CIT: variants seen among roughly 807,000 people sequenced by gnomAD.
CIT encodes the protein citron Rho-interacting kinase.
In CIT, 79 loss-of-function variants were observed where a neutral mutation model predicts 272.7. The observed-to-expected ratio is 0.29, with a 90% CI of 0.24 to 0.35. CIT has a LOEUF of 0.35. CIT is among the 10% of genes least tolerant of loss of function. CIT has a pLI of 1.00. For missense variants in CIT, 1,909 were observed against 2,618.3 expected, an observed-to-expected ratio of 0.73 and a Z score of 5.91; for synonymous variants, 948 against 995.6, an observed-to-expected ratio of 0.95 and a Z score of 0.90.
At chr12:119,706,731 T>C (rs1956894303) in intron 40 of CIT, among the ~76,000 whole-genome samples, 1 of 152,190 alleles carries the variant, frequency 6.6e-6, no homozygotes, top group South Asian at 2.1e-4. Flanking sequence ...CTATTATGAG[T>C]AGGCTGCAAT....
At chr12:119,830,824 A>G (rs1189534340) in intron 7 of CIT, among the ~76,000 whole-genome samples, 1 of 152,166 alleles carries the variant, frequency 6.6e-6, no homozygotes, top group Admixed American at 6.5e-5. Context: ...CCTTGCTTCA[A>G]TTTATTTCTA....
At chr12:119,717,858 T>TTTTTG (rs1347848913) in intron 32 of CIT, among the ~76,000 whole-genome samples, 1 of 141,980 alleles carries the variant, frequency 7.0e-6, no homozygotes, top group Admixed American at 7.2e-5. Context: ...TTTTTTTTTT[T>TTTTTG]GAGATGGAGT....
At chr12:119,814,855 G>A (rs549643876) in intron 9 of CIT, among the ~76,000 whole-genome samples, 66 of 152,078 alleles carry the variant, frequency 4.3e-4, no homozygotes, top group African/African-American at 1.3e-3. Context: ...TGGCCAACAC[G>A]GTGAAACCCG....
rs887199820 is a variant in CIT at position 119,685,938 on chromosome 12, G to C, written c.*2294C>G. On this transcript the variant is annotated 3_prime_UTR_variant, in exon 48 of 48. Transcript: ENST00000392521. ...AAAAGCCTGTACTTTTGGAGACCTA[G>C]AATCTTGATTGATGCTAATAAGCTT... is the stretch of plus-strand genomic sequence containing the variant. The C allele has an allele frequency of 1.3e-5, 2 of 152,502 alleles. No homozygotes were observed. Among genetic ancestry groups the C allele is most frequent in the Non-Finnish European group, 2.9e-5 (2 of 68,042 alleles). The allele number at this position is 152,502 out of a possible 1,614,324, so 9.4% of individuals were successfully genotyped here. A position where few individuals can be genotyped will look rare whatever the true frequency, so the allele number is the denominator to read the frequency against.
chr12:119,827,635 A>G (rs2138081094), intron 7 of CIT, among the ~76,000 whole-genome samples: 1 of 152,204 alleles, frequency 6.6e-6, no homozygotes, highest in East Asian at 1.9e-4. Context: ...ACGGGGTTTC[A>G]CTATGTTTGG....
Position 119,761,055 on chromosome 12 carries a change from C to T in CIT, c.2305G>A (p.Val769Met). ...KEQHYEEKIK[V>M]LDNQIKKDLA... ...TCTTTCTTTATCTGATTGTCCAACA[C>T]CTACAAAAACAAAAGCAGCAGCAAA... Residue 769 changes from valine (V) to methionine (M), a missense_variant and splice_region_variant, in exon 20 of 48, where the codon GTG (valine) becomes ATG (methionine). Physicochemically the swap from Val to Met is conservative, Grantham distance 21. Around this residue, in one of 8 missense-constraint regions of CIT, gnomAD observed 530 missense variants for 822.4 expected, o/e 0.64. Transcript: ENST00000392521. 6.2e-7 allele frequency: 1 copy of T among 1,605,446 alleles called. No homozygotes were observed. The highest frequency in any genetic ancestry group is 8.5e-7 in the Non-Finnish European group (1 of 1,172,136).
intron 10 of CIT, among the ~76,000 whole-genome samples, chr12:119,787,730 C>CAAAAAAA (rs61554565): frequency 0.014 from 698 of 48,794 alleles, 32 homozygotes; most frequent in Non-Finnish European, 0.017. Context: ...GACTCCGTCT[C>CAAAAAAA]AAAAAAAAAA....
Position 119,690,229 on chromosome 12 carries a change from G to A in CIT, c.6108C>T (p.Pro2036=), listed in dbSNP as rs563991002. 2.5e-5 allele frequency: 38 copies of A among 1,535,408 alleles called. No homozygotes were observed. The South Asian group carries it at 4.0e-4, about 16-fold the overall frequency. Residue 2036 remains proline, a synonymous_variant, in exon 47 of 48, where the codon CCC becomes CCT. Transcript: ENST00000392521. The surrounding 1 kb of genome is among the most constrained non-coding windows in gnomAD (Gnocchi z 6.0). ...TGCTGCTGTCTTCAAACAGCCTCCC[G>A]GGGGACCGCTCTCTCCGCGTGCTGA... ...RMLSTRRERS[P]GRLFEDSSRG...
chr12:119,792,886 T>C (rs1965430599), intron 10 of CIT, among the ~76,000 whole-genome samples: 1 of 151,626 alleles, frequency 6.6e-6, no homozygotes, highest in Non-Finnish European at 1.5e-5. Flanking sequence ...TGCTTGAACC[T>C]GGGAGGCGGA....
At chr12:119,800,902 G>T (rs1035638073) in intron 10 of CIT, among the ~76,000 whole-genome samples, 1 of 152,160 alleles carries the variant, frequency 6.6e-6, no homozygotes, top group African/African-American at 2.4e-5. Flanking sequence ...TCCAACAGGT[G>T]GATGAATTTC....
At chr12:119,695,451 C>T (rs1956175318) in intron 46 of CIT, among the ~76,000 whole-genome samples, 1 of 152,138 alleles carries the variant, frequency 6.6e-6, no homozygotes, top group African/African-American at 2.4e-5. Context: ...GGGACTGCTT[C>T]CAGGACTTCC....
intron 10 of CIT, among the ~76,000 whole-genome samples, chr12:119,792,495 G>A (rs1163461541): frequency 1.3e-5 from 2 of 152,048 alleles, no homozygotes; most frequent in Non-Finnish European, 2.9e-5. Context: ...TTTAGAGATG[G>A]AGTCTTGTTC....
intron 3 of CIT, among the ~76,000 whole-genome samples, chr12:119,868,304 A>AT (rs1950572414): frequency 6.6e-6 from 1 of 152,172 alleles, no homozygotes; most frequent in South Asian, 2.1e-4. Flanking sequence ...TATTATATTC[A>AT]TTTTTCCTAT....
intron 5 of CIT, among the ~76,000 whole-genome samples, chr12:119,846,160 G>A (rs1012762433): frequency 6.6e-6 from 1 of 152,096 alleles, no homozygotes; most frequent in African/African-American, 2.4e-5. Flanking sequence ...CTACATTTGG[G>A]CATTCCTGCT....
At position 119,822,992 on chromosome 12, in the gene CIT, G is replaced by A. The variant is rs779501887; in HGVS notation, c.958-19C>T. On this transcript the variant is annotated intron_variant, in intron 8 of 47. Transcript: ENST00000392521. ...AAAACCGCTGTTCCAAAAAAAATAAGAGAATTATTTCCTTAGTAGGGATTC... is the reference window on the plus strand; with the variant it reads ...AAAACCGCTGTTCCAAAAAAAATAAAAGAATTATTTCCTTAGTAGGGATTC... 5.0e-6 allele frequency: 8 copies of A among 1,597,574 alleles called. No individual in the cohort carries two copies.
chr12:119,862,808 T>TAAAAAAAAAAAAAAAAAA (rs1157467178), intron 3 of CIT, among the ~76,000 whole-genome samples: 1 of 10,250 alleles, frequency 9.8e-5, no homozygotes, highest in African/African-American at 3.1e-4. Flanking sequence ...AGACTCTACC[T>TAAAAAAAAAAAAAAAAAA]AAAAAAAAAA....
chr12:119,874,579 A>AT (rs1566157041), intron 2 of CIT, among the ~76,000 whole-genome samples: 1 of 152,150 alleles, frequency 6.6e-6, no homozygotes, highest in Non-Finnish European at 1.5e-5. Flanking sequence ...TAATCTTATG[A>AT]TATTAAGTTT....
Position 119,696,261 on chromosome 12 carries a change from C to A in CIT, c.5882+1398G>T, listed in dbSNP as rs114156951. Reference sequence around the variant, plus strand: ...AAAGAAGTAAAATTTAAAAAGAATGCCTTTTAAGAAGAGGCCTTTTTTTGG... The same window carrying A: ...AAAGAAGTAAAATTTAAAAAGAATGACTTTTAAGAAGAGGCCTTTTTTTGG... On this transcript the variant is annotated intron_variant, in intron 46 of 47. Coordinates refer to ENST00000392521, the MANE Select transcript of CIT (RefSeq NM_001206999.2). Among the ~76,000 whole-genome samples the A allele has an allele frequency of 9.7e-3, 1,472 of 152,076 alleles. 21 individuals are homozygous for A. Among genetic ancestry groups the A allele is most frequent in the African/African-American group, 0.033 (1,366 of 41,492 alleles).
chr12:119,836,427 G>A (rs1969023723), intron 5 of CIT, among the ~76,000 whole-genome samples: 1 of 151,720 alleles, frequency 6.6e-6, no homozygotes, highest in Admixed American at 6.6e-5. Flanking sequence ...GAGCCCACAG[G>A]AGCCACCTGG....
Sources: gnomAD v4.1 joint callset for allele counts (sites outside exome capture counted in the v4.1 genomes callset) on GRCh38, gnomAD v4.1.1 for gene constraint, gnomAD v4.1.1 regional missense constraint, Gnocchi (gnomAD v3.1) non-coding constraint, MANE v1.5 for transcripts, NCBI Gene and HGNC (gene_info 2026-07-23, HGNC 2026-07-21) for gene names.